Variants in PGAP2 observed in about 807,000 individuals in gnomAD.
The protein encoded by PGAP2 is post-GPI attachment to proteins 2.
In PGAP2, 21 loss-of-function variants were observed where a neutral mutation model predicts 33.2. That is an observed-to-expected ratio of 0.63 (90% CI 0.45 to 0.91). PGAP2 has a LOEUF of 0.91. Ranked by LOEUF, PGAP2 falls within the 40% of genes least tolerant of loss-of-function variation. PGAP2 has a pLI of 0.00. For synonymous variants in PGAP2, 161 were observed against 172.9 expected (o/e 0.93, Z 0.54); for missense variants, 345 against 424.0 (o/e 0.81, Z 1.64).
intron 1 of PGAP2, among the ~76,000 whole-genome samples, chr11:3,802,791 G>C (rs188087108): frequency 2.0e-5 from 3 of 151,548 alleles, no homozygotes; most frequent in Middle Eastern, 3.5e-3. Context: ...CCTTGTCTAT[G>C]ACATGGGCAG....
chr11:3,824,827 C>A, intron 5 of PGAP2, 193 bp from the exon 6 acceptor site: 1 of 1,437,388 alleles, frequency 7.0e-7, no homozygotes, highest in Non-Finnish European at 9.1e-7. Context: ...TGCTCCTCGG[C>A]CCATCACTCC....
chr11:3,800,607 C>G (rs1365790947), intron 1 of PGAP2, among the ~76,000 whole-genome samples: 2 of 151,342 alleles, frequency 1.3e-5, no homozygotes, highest in Admixed American at 6.6e-5. Flanking sequence ...GTCAGGAGAT[C>G]GAGACCAGCC....
chr11:3,803,086 T>C (rs1442931068), intron 1 of PGAP2, among the ~76,000 whole-genome samples: 7 of 149,230 alleles, frequency 4.7e-5, no homozygotes, highest in Non-Finnish European at 7.4e-5. Context: ...CTCCGCCTCC[T>C]GGGTTCAAGC....
chr11:3,824,149 T>G lies in PGAP2; in HGVS notation c.601+14T>G, dbSNP rs370692807. The G allele has an allele frequency of 1.5e-5, 25 of 1,613,758 alleles. No individual in the cohort carries two copies. The African/African-American group carries it at 2.9e-4, about 19-fold the overall frequency. On this transcript the variant is annotated intron_variant, in intron 4 of 6. Transcript: ENST00000278243. ...CCGAGGACTTCAGTGGGTGCCTGGA[T>G]GAGGGAGGAGTGGGGAAGTGTTCCC... is the stretch of plus-strand genomic sequence containing the variant.
chr11:3,800,687 C>CT (rs2083308545), intron 1 of PGAP2, among the ~76,000 whole-genome samples: 1 of 151,778 alleles, frequency 6.6e-6, no homozygotes, highest in South Asian at 2.1e-4. Context: ...TGGCACATAC[C>CT]TGTAGTCCCA....
rs923194374 is a variant in PGAP2, at chr11:3,822,803, T to C, written c.349-1080T>C. On this transcript the variant is annotated intron_variant, in intron 3 of 6. Transcript: ENST00000278243. ...AGCCTCTTCCCATCTTTGGCTTTCC[T>C]GTCCCCATCTAAACCCTTGTTCAGT... The C allele has an allele frequency of 1.5e-5, 9 of 603,620 alleles. No homozygotes were observed. The Admixed American group carries it at 3.1e-4, about 21-fold the overall frequency. 37.4% of individuals were successfully genotyped at this position (603,620 alleles called of 1,614,324 possible). A position where few individuals can be genotyped will look rare whatever the true frequency, so the allele number is the denominator to read the frequency against.
chr11:3,818,851 G>T (rs1229817727), intron 3 of PGAP2, among the ~76,000 whole-genome samples: 1 of 152,198 alleles, frequency 6.6e-6, no homozygotes, highest in Non-Finnish European at 1.5e-5. Flanking sequence ...TGACTGTGGG[G>T]CTCAGAGGAG....
chr11:3,820,972 C>T (rs1195646026), intron 3 of PGAP2, among the ~76,000 whole-genome samples: 3 of 152,244 alleles, frequency 2.0e-5, no homozygotes, highest in African/African-American at 4.8e-5. Context: ...GGGATGCAGA[C>T]TCAGCTTTGT....
At chr11:3,802,754 G>A (rs149868741) in intron 1 of PGAP2, among the ~76,000 whole-genome samples, 8 of 151,840 alleles carry the variant, frequency 5.3e-5, no homozygotes, top group African/African-American at 1.2e-4. Context: ...TCTCGCCTAA[G>A]TTATTTAACC....
At chr11:3,799,354 A>T (rs956867351) in intron 1 of PGAP2, among the ~76,000 whole-genome samples, 2 of 151,834 alleles carry the variant, frequency 1.3e-5, no homozygotes, top group Admixed American at 1.3e-4. Flanking sequence ...CCTGGCCAAC[A>T]TGATGAAACC....
At chr11:3,819,095 C>T (rs777440528) in intron 3 of PGAP2, among the ~76,000 whole-genome samples, 10 of 152,286 alleles carry the variant, frequency 6.6e-5, no homozygotes, top group African/African-American at 1.2e-4. Context: ...GTCTCCCAGG[C>T]GGGAGTACAG....
rs1015089346 is a variant in PGAP2, at chr11:3,825,033, A to G, written c.722A>G (p.Tyr241Cys). ...HTVSQEDRKS[Y>C]SWKQRLFIIN... ...CCCATTCCCTAGGATCGCAAGTCCT[A>G]CAGCTGGAAACAGCGGCTCTTCATC... is the stretch of plus-strand genomic sequence containing the variant. The change falls in exon 6 of 7, where the codon TAC becomes TGC. Residue 241 changes from tyrosine (Y) to cysteine (C), a missense_variant. By Grantham distance (194) the Tyr-to-Cys change is radical (BLOSUM62 -2). This residue lies in a region of PGAP2 where 311 missense variants were observed against 353.6 expected (regional missense o/e 0.88). Transcript: ENST00000278243. 1 of 1,614,182 alleles carries G rather than the reference A, an allele frequency of 6.2e-7. No individual in the cohort carries two copies. The highest frequency in any genetic ancestry group is 2.2e-5 in the East Asian group (1 of 44,882).
At position 3,823,998 on chromosome 11, in the gene PGAP2, C is replaced by T. The variant is rs748507360; in HGVS notation, c.464C>T (p.Ala155Val). 2 of 1,613,882 alleles carry T rather than the reference C, an allele frequency of 1.2e-6. No homozygotes were observed. The highest frequency in any genetic ancestry group is 2.2e-5 in the South Asian group (2 of 91,084). Residue 155 changes from alanine to valine, a missense_variant, in exon 4 of 7, where the codon GCC becomes GTC. Transcript: ENST00000278243. ...HSAPRFLVAFAYWNHYLSCTS... is the reference protein window; with the variant it reads ...HSAPRFLVAFVYWNHYLSCTS... ...GCGCCTCGCTTCTTGGTGGCCTTCGCCTACTGGAACCACTACCTCAGCTGC... is the reference window on the plus strand; with the variant it reads ...GCGCCTCGCTTCTTGGTGGCCTTCGTCTACTGGAACCACTACCTCAGCTGC...
chr11:3,808,602 G>C lies in PGAP2; in HGVS notation c.-60G>C, dbSNP rs1348687761. On this transcript the variant is annotated 5_prime_UTR_variant, in exon 1 of 7. Coordinates refer to ENST00000278243, the MANE Select transcript of PGAP2 (RefSeq NM_014489.4). ...CCCGCAGAGCCAGCCCCCGACCCCG[G>C]GCCACCTGGGCCCCCGGGTTCCGCC... is the stretch of plus-strand genomic sequence containing the variant. 1.5e-6 allele frequency: 2 copies of C among 1,332,992 alleles called. No homozygotes were observed. The highest frequency in any genetic ancestry group is 3.1e-5 in the African/African-American group (2 of 65,186). The allele number at this position is 1,332,992 out of a possible 1,614,324, so 82.6% of individuals were successfully genotyped here.
chr11:3,801,768 A>T (rs2083486669), intron 1 of PGAP2, among the ~76,000 whole-genome samples: 1 of 151,772 alleles, frequency 6.6e-6, no homozygotes, highest in African/African-American at 2.4e-5. Flanking sequence ...AACACGGCGA[A>T]ACCTCATCTC....
chr11:3,806,469 G>A (rs752509607), upstream of PGAP2, among the ~76,000 whole-genome samples: 1 of 152,218 alleles, frequency 6.6e-6, no homozygotes, highest in African/African-American at 2.4e-5. Flanking sequence ...CCCTCAGAGT[G>A]CGTCTGAGGT....
chr11:3,812,118 C>T (rs920427500), intron 2 of PGAP2, among the ~76,000 whole-genome samples: 9 of 151,626 alleles, frequency 5.9e-5, no homozygotes, highest in East Asian at 1.9e-4. Flanking sequence ...ATATGGGGTG[C>T]GGGGCCAGGA....
At chr11:3,798,529 C>T (rs2082922295) in intron 1 of PGAP2, among the ~76,000 whole-genome samples, 1 of 151,952 alleles carries the variant, frequency 6.6e-6, no homozygotes, top group Admixed American at 6.6e-5. Context: ...GGGGATTTCA[C>T]TGTGTTGGTC....
In PGAP2 at chr11:3,797,892, CA is replaced by C. The variant is rs1368028003; in HGVS notation, c.51del (p.Gln17HisfsTer16). On this transcript the variant is annotated frameshift_variant, in exon 1 of 7. Coordinates refer to the PGAP2 transcript ENST00000300730. LOFTEE classifies it high-confidence loss of function. ...CGGGGTGTCGGGAAGGGTGGTGACG[CA>C]ACATAGAGACTCCGCCCCCTTCCTT... 1.9e-6 allele frequency: 3 copies of C among 1,549,250 alleles called. No homozygotes were observed. The highest frequency in any genetic ancestry group is 2.0e-5 in the Admixed American group (1 of 50,808).
Sources: gnomAD v4.1 joint callset for allele counts (sites outside exome capture counted in the v4.1 genomes callset) on GRCh38, gnomAD v4.1.1 for gene constraint, gnomAD v4.1.1 regional missense constraint, MANE v1.5 for transcripts, NCBI Gene and HGNC (gene_info 2026-07-23, HGNC 2026-07-21) for gene names.